The following ABCB1 variants were observed in gnomAD, a reference collection of about 807,000 sequenced individuals.
ABCB1 encodes the protein ATP-dependent translocase ABCB1.
A neutral mutation model predicts 142.0 loss-of-function variants in ABCB1; 69 were observed. That is an observed-to-expected ratio of 0.49 (90% CI 0.40 to 0.59). ABCB1 has a LOEUF of 0.59. ABCB1 is among the 20% of genes least tolerant of loss of function. ABCB1 has a pLI of 0.00. For missense variants in ABCB1, 1,326 were observed against 1,554.7 expected (o/e 0.85, Z 2.47); for synonymous variants, 532 against 539.2 (o/e 0.99, Z 0.18).
chr7:87,556,634 G>A (rs1272348013), intron 8 of ABCB1, among the ~76,000 whole-genome samples: 1 of 152,224 alleles, frequency 6.6e-6, no homozygotes, highest in South Asian at 2.1e-4. Context: ...TCCAGATCAG[G>A]GAGATGCTCT....
At chr7:87,558,193 CAGAAGCAAACA>C (rs1817387570) in intron 8 of ABCB1, among the ~76,000 whole-genome samples, 1 of 152,204 alleles carries the variant, frequency 6.6e-6, no homozygotes, top group Non-Finnish European at 1.5e-5. Flanking sequence ...TGGTGAATAG[CAGAAGCAAACA>C]TAAATCCTGC....
chr7:87,671,354 G>A (rs1358099515), intron 1 of ABCB1, among the ~76,000 whole-genome samples: 4 of 152,170 alleles, frequency 2.6e-5, no homozygotes, highest in African/African-American at 4.8e-5. Context: ...CCTGTCCAGG[G>A]AGTTGCCAAG....
chr7:87,626,735 A>G (rs1322367180), intron 1 of ABCB1, among the ~76,000 whole-genome samples: 1 of 56,386 alleles, frequency 1.8e-5, no homozygotes, highest in Admixed American at 1.7e-4. Context: ...TGTCATATAT[A>G]TGTGTCATAT....
chr7:87,623,957 C>T (rs1001073105), intron 1 of ABCB1, among the ~76,000 whole-genome samples: 2 of 152,196 alleles, frequency 1.3e-5, no homozygotes, highest in African/African-American at 4.8e-5. Flanking sequence ...TCACTTCCCA[C>T]TGACTTTTTA....
intron 19 of ABCB1, 56 bp from the exon 20 acceptor site, chr7:87,536,597 C>T: frequency 6.5e-7 from 1 of 1,545,136 alleles, no homozygotes. Context: ...ACTCTCAGCT[C>T]CAAGAGGGCA....
At chr7:87,545,162 C>CTG (rs1042567834) in intron 15 of ABCB1, among the ~76,000 whole-genome samples, 163 bp from the exon 16 acceptor site, 41 of 151,528 alleles carry the variant, frequency 2.7e-4, no homozygotes, top group Non-Finnish European at 4.7e-4. Context: ...CTGTGTGTGT[C>CTG]TGTGTGTGTG....
intron 22 of ABCB1, 110 bp downstream of exon 22, chr7:87,520,666 G>C (rs74615142): frequency 2.2e-6 from 2 of 926,292 alleles, no homozygotes; most frequent in Non-Finnish European, 3.5e-6. Context: ...TTACCTTCGA[G>C]CACTTTCTCC....
chr7:87,614,627 C>T (rs924348483), intron 1 of ABCB1, among the ~76,000 whole-genome samples: 1 of 152,028 alleles, frequency 6.6e-6, no homozygotes, highest in Admixed American at 6.6e-5. Flanking sequence ...AAGAGTGTTG[C>T]GATCTAAAAT....
Position 87,566,907 on chromosome 7 carries a change from C to T in ABCB1, c.408G>A (p.Trp136Ter), listed in dbSNP as rs1248102071. The T allele has an allele frequency of 6.2e-7, 1 of 1,614,142 alleles. No individual in the cohort carries two copies. Among genetic ancestry groups the T allele is most frequent in the Non-Finnish European group, 8.5e-7 (1 of 1,180,022 alleles). The change falls in exon 6 of 28, where the codon TGG becomes TGA. Residue 136 changes from tryptophan to a stop codon, truncating the protein, a stop_gained. Transcript: ENST00000622132. LOFTEE classifies it high-confidence loss of function. ...GTATTTGTCTTCCAGCTGCCAGGCACCAAAATGAAACCTGAATGTAAGCAG... is the reference window on the plus strand; with the variant it reads ...GTATTTGTCTTCCAGCTGCCAGGCATCAAAATGAAACCTGAATGTAAGCAG... The part of the protein sequence containing the change: ...LVAAYIQVSF[W>*]CLAAGRQIHK...
intron 1 of ABCB1, among the ~76,000 whole-genome samples, chr7:87,634,494 T>TG (rs58092989): frequency 0.039 from 2,820 of 73,168 alleles, 54 homozygotes; most frequent in African/African-American, 0.092. Context: ...TGGTGGGGGG[T>TG]GGGGGGGGGG....
chr7:87,649,473 T>A (rs761773246), intron 1 of ABCB1, among the ~76,000 whole-genome samples: 9 of 152,296 alleles, frequency 5.9e-5, no homozygotes, highest in Non-Finnish European at 8.8e-5. Flanking sequence ...TAATTTTCTC[T>A]TAAGGGAAAT....
chr7:87,664,734 T>G (rs536489937), intron 1 of ABCB1, among the ~76,000 whole-genome samples: 160 of 152,166 alleles, frequency 1.1e-3, no homozygotes, highest in African/African-American at 3.8e-3. Context: ...AATTTAAAAA[T>G]TTATAGCAAA....
intron 1 of ABCB1, among the ~76,000 whole-genome samples, chr7:87,651,752 T>C (rs1233830057): frequency 6.6e-6 from 1 of 152,132 alleles, no homozygotes; most frequent in East Asian, 1.9e-4. Context: ...TACTTTTTGA[T>C]GCTGAAAGCA....
intron 17 of ABCB1, among the ~76,000 whole-genome samples, chr7:87,543,767 G>A (rs1816649086): frequency 6.6e-6 from 1 of 152,206 alleles, no homozygotes. Flanking sequence ...TCTCAAGCCA[G>A]CCTGACAAAC....
chr7:87,527,651 T>C (rs1276135676), intron 21 of ABCB1, among the ~76,000 whole-genome samples: 1 of 152,190 alleles, frequency 6.6e-6, no homozygotes, highest in Non-Finnish European at 1.5e-5. Context: ...AAACATGATT[T>C]TTAAAATACG....
intron 1 of ABCB1, among the ~76,000 whole-genome samples, chr7:87,693,356 A>G (rs991460078): frequency 5.3e-5 from 8 of 152,206 alleles, no homozygotes; most frequent in African/African-American, 1.9e-4. Flanking sequence ...AAGAAAACAT[A>G]AAAGTTTTAA....
chr7:87,608,360 G>A (rs557768056), intron 1 of ABCB1, among the ~76,000 whole-genome samples: 11 of 152,334 alleles, frequency 7.2e-5, no homozygotes, highest in Non-Finnish European at 1.6e-4. Flanking sequence ...TAATAGACTA[G>A]TAAGTGATTT....
At chr7:87,593,521 G>A (rs1438212406) in intron 3 of ABCB1, among the ~76,000 whole-genome samples, 2 of 152,208 alleles carry the variant, frequency 1.3e-5, no homozygotes, top group Non-Finnish European at 2.9e-5. Context: ...AGAAAGGCCT[G>A]TATACAAAGG....
intron 4 of ABCB1, among the ~76,000 whole-genome samples, chr7:87,574,441 A>G (rs1051369143): frequency 4.6e-5 from 7 of 152,176 alleles, no homozygotes; most frequent in African/African-American, 1.7e-4. Context: ...TATGTTATAC[A>G]AAATAAAAGT....
Sources: allele counts gnomAD v4.1 joint callset (sites outside exome capture counted in the v4.1 genomes callset), GRCh38; gene constraint gnomAD v4.1.1; transcripts MANE v1.5; gene names NCBI Gene and HGNC (gene_info 2026-07-23, HGNC 2026-07-21).